Variants in ADAM18 observed in about 807,000 individuals in gnomAD.
The protein encoded by ADAM18 is disintegrin and metalloproteinase domain-containing protein 18.
In ADAM18, 117 loss-of-function variants were observed where a neutral mutation model predicts 94.4. The observed-to-expected ratio is 1.24, with a 90% confidence interval of 1.07 to 1.45. The LOEUF (loss-of-function observed/expected upper bound fraction) is 1.45, where lower values mean the gene tolerates loss of function less well. ADAM18 is among the 40% of genes most tolerant of loss of function. ADAM18 has a pLI of 0.00. For synonymous variants in ADAM18, 327 were observed against 291.6 expected (o/e 1.12, Z -1.24); for missense variants, 936 against 880.0 (o/e 1.06, Z -0.81).
At chr8:39,714,634 A>G (rs1822516518) in intron 18 of ADAM18, among the ~76,000 whole-genome samples, 1 of 152,116 alleles carries the variant, frequency 6.6e-6, no homozygotes, top group Non-Finnish European at 1.5e-5. Context: ...TGATTGATAG[A>G]ACTTCTAGGA....
intron 2 of ADAM18, chr8:39,605,810 G>A (rs1329417614): frequency 5.6e-6 from 1 of 177,370 alleles, no homozygotes; most frequent in Non-Finnish European, 1.2e-5. Context: ...CCCATCACCC[G>A]AGCAGTATAC....
At chr8:39,697,007 G>A (rs4733920) in intron 17 of ADAM18, among the ~76,000 whole-genome samples, 76,420 of 151,224 alleles carry the variant, frequency 0.51, 21,466 homozygotes, top group Non-Finnish European at 0.63. Flanking sequence ...AACATGAGAT[G>A]TTTTTAAATT....
At chr8:39,654,890 G>T (rs1197771095) in intron 12 of ADAM18, among the ~76,000 whole-genome samples, 9 of 151,926 alleles carry the variant, frequency 5.9e-5, no homozygotes, top group African/African-American at 2.2e-4. Flanking sequence ...GGATTATTTG[G>T]TTTTTGCTAT....
chr8:39,679,382 C>G (rs1228640002), intron 15 of ADAM18, among the ~76,000 whole-genome samples: 1 of 152,170 alleles, frequency 6.6e-6, no homozygotes, highest in East Asian at 1.9e-4. Flanking sequence ...TCTAGAAATA[C>G]TCTTAGCCTC....
intron 18 of ADAM18, among the ~76,000 whole-genome samples, chr8:39,716,643 T>C (rs1158000148): frequency 6.6e-6 from 1 of 152,002 alleles, no homozygotes; most frequent in Non-Finnish European, 1.5e-5. Context: ...GAAAGAGCTG[T>C]GTGAACTTGA....
intron 2 of ADAM18, among the ~76,000 whole-genome samples, chr8:39,598,096 A>G (rs1297809468): frequency 6.6e-6 from 1 of 152,170 alleles, no homozygotes. Context: ...TAGGAAAGCA[A>G]TTGACTTTTG....
rs1820442619 is a variant in ADAM18, at chr8:39,648,412, T to A, written c.1115T>A (p.Phe372Tyr). ...MHDYRYFVSK[F>Y]ETKCLQKLSN... ...GACTATAGATATTTTGTTTCAAAAT[T>A]TGAGACTAAATGCCTTCAGAAGCTT... The change falls in exon 12 of 20, where the codon TTT (phenylalanine) becomes TAT (tyrosine). Residue 372 changes from phenylalanine (F) to tyrosine (Y), a missense_variant. Phe to Tyr is a conservative substitution (Grantham distance 22). Coordinates refer to ENST00000265707, the MANE Select transcript of ADAM18 (RefSeq NM_014237.3). 2 of 1,613,126 alleles carry A rather than the reference T, an allele frequency of 1.2e-6. No homozygotes were observed. The highest frequency in any genetic ancestry group is 4.5e-5 in the East Asian group (2 of 44,812).
chr8:39,608,873 C>T (rs1235286526), intron 3 of ADAM18, among the ~76,000 whole-genome samples, 169 bp from the exon 4 acceptor site: 1 of 152,182 alleles, frequency 6.6e-6, no homozygotes, highest in African/African-American at 2.4e-5. Flanking sequence ...CTCTTTGATT[C>T]ACCAGTTCTA....
At chr8:39,614,843 A>G (rs964995487) in intron 6 of ADAM18, among the ~76,000 whole-genome samples, 2 of 152,220 alleles carry the variant, frequency 1.3e-5, no homozygotes, top group South Asian at 4.1e-4. Context: ...TAAACCAACA[A>G]CAATAAAAAT....
At chr8:39,641,975 T>A (rs1304935145) in intron 10 of ADAM18, among the ~76,000 whole-genome samples, 2 of 152,182 alleles carry the variant, frequency 1.3e-5, no homozygotes, top group African/African-American at 4.8e-5. Flanking sequence ...AGATGGTATC[T>A]CACTGTGATT....
chr8:39,662,651 G>A (rs1394622212), intron 12 of ADAM18, among the ~76,000 whole-genome samples: 1 of 152,096 alleles, frequency 6.6e-6, no homozygotes, highest in Non-Finnish European at 1.5e-5. Context: ...TTGAGATGTA[G>A]TCTCACTCTG....
At position 39,611,909 on chromosome 8, in the gene ADAM18, A is replaced by G. The variant is rs186955883; in HGVS notation, c.522+1203A>G. On this transcript the variant is annotated intron_variant, in intron 6 of 19. Coordinates refer to ENST00000265707, the MANE Select transcript of ADAM18 (RefSeq NM_014237.3). ...CACAAAGCAAACATTTTTAACAGAC[A>G]CACTAAAAGTGGAAAGCAAGAAATC... Among the ~76,000 whole-genome samples the G allele has an allele frequency of 5.3e-5, 8 of 152,324 alleles. No homozygotes were observed. In the East Asian group the frequency reaches 9.6e-4, roughly 18 times the overall value.
chr8:39,627,086 T>TTA (rs1253214872), intron 6 of ADAM18, among the ~76,000 whole-genome samples: 25 of 152,180 alleles, frequency 1.6e-4, no homozygotes, highest in Middle Eastern at 3.4e-3. Context: ...CAAAGTTAGA[T>TTA]TATATATATA....
In ADAM18 at chr8:39,668,215, T is replaced by C; in HGVS notation, c.1525+19T>C. On this transcript the variant is annotated intron_variant, in intron 14 of 19. Transcript: ENST00000265707. ...GGAAAAGGTATTGCTCTTTCTTTCG[T>C]ATTTATTTTACCTTACATTTGCATC... 1 of 1,611,364 alleles carries C rather than the reference T, an allele frequency of 6.2e-7. No individual in the cohort carries two copies. Among genetic ancestry groups the C allele is most frequent in the Non-Finnish European group, 8.5e-7 (1 of 1,177,562 alleles).
At chr8:39,704,944 AAC>A (rs1822197290) in intron 17 of ADAM18, among the ~76,000 whole-genome samples, 2 of 152,198 alleles carry the variant, frequency 1.3e-5, no homozygotes, top group Non-Finnish European at 2.9e-5. Flanking sequence ...GAACTGGAAT[AAC>A]ACTTTGTCAA....
chr8:39,667,833 A>G (rs1195565548), intron 13 of ADAM18, among the ~76,000 whole-genome samples, 165 bp from the exon 14 acceptor site: 1 of 152,232 alleles, frequency 6.6e-6, no homozygotes, highest in East Asian at 1.9e-4. Flanking sequence ...TGGGCTTCAC[A>G]ATGAATACTG....
intron 16 of ADAM18, among the ~76,000 whole-genome samples, chr8:39,685,670 G>A (rs956753443): frequency 4.4e-4 from 67 of 152,244 alleles, no homozygotes; most frequent in African/African-American, 1.3e-3. Context: ...ACATGGCTGG[G>A]CTAAGAATTT....
At chr8:39,664,382 C>G (rs1340548847) in intron 13 of ADAM18, among the ~76,000 whole-genome samples, 1 of 152,080 alleles carries the variant, frequency 6.6e-6, no homozygotes, top group South Asian at 2.1e-4. Flanking sequence ...AAGTTATATA[C>G]AAATGTTACA....
intron 18 of ADAM18, among the ~76,000 whole-genome samples, chr8:39,708,867 C>G (rs1420137916): frequency 6.6e-6 from 1 of 152,220 alleles, no homozygotes; most frequent in Admixed American, 6.5e-5. Context: ...CACTTTTGAG[C>G]ATTGGCAGGA....
Sources: gnomAD v4.1 joint callset for allele counts (sites outside exome capture counted in the v4.1 genomes callset) on GRCh38, gnomAD v4.1.1 for gene constraint, MANE v1.5 for transcripts, NCBI Gene and HGNC (gene_info 2026-07-23, HGNC 2026-07-21) for gene names.